GALNTL6: variants seen among roughly 807,000 people sequenced by gnomAD.
The protein encoded by GALNTL6 is polypeptide N-acetylgalactosaminyltransferase-like 6.
Under a neutral mutation model 73.7 loss-of-function variants are expected in GALNTL6, and 46 were observed. That is an observed-to-expected ratio of 0.62 (90% confidence interval 0.49 to 0.80). The LOEUF (loss-of-function observed/expected upper bound fraction) is 0.80, where lower values mean the gene tolerates loss of function less well. GALNTL6 is among the 30% of genes least tolerant of loss of function. GALNTL6 has a pLI of 0.00. For missense variants in GALNTL6, 604 were observed against 755.0 expected, an observed-to-expected ratio of 0.80 and a Z score of 2.34; for synonymous variants, 259 against 263.7, an observed-to-expected ratio of 0.98 and a Z score of 0.17.
chr4:172,499,485 G>A (rs1734185498), intron 5 of GALNTL6, among the ~76,000 whole-genome samples: 1 of 152,196 alleles, frequency 6.6e-6, no homozygotes. Context: ...ATGGCATTTT[G>A]TTATAGCACC....
At chr4:172,038,638 T>C (rs551323406) in intron 2 of GALNTL6, among the ~76,000 whole-genome samples, 2 of 152,194 alleles carry the variant, frequency 1.3e-5, no homozygotes, top group African/African-American at 2.4e-5. Context: ...GCCCCATCAC[T>C]GTCTTCAAAG....
chr4:172,279,002 A>G (rs892721847), intron 3 of GALNTL6, among the ~76,000 whole-genome samples: 20 of 152,178 alleles, frequency 1.3e-4, no homozygotes, highest in African/African-American at 4.8e-4. Context: ...TTTTGGGAAA[A>G]TTGGATATCC....
rs139529765 is a variant in GALNTL6 at position 172,168,564 on chromosome 4, G to C, written c.139-61092G>C. On this transcript the variant is annotated intron_variant, in intron 2 of 12. Transcript: ENST00000506823. Reference sequence around the variant, plus strand: ...GATCAAGATGGTGATGGTGATGATGGTGATGGTGATATGGTAATGATGGTG... The same window carrying C: ...GATCAAGATGGTGATGGTGATGATGCTGATGGTGATATGGTAATGATGGTG... Among the ~76,000 whole-genome samples, 564 of 152,148 alleles carry C rather than the reference G, an allele frequency of 3.7e-3. 2 individuals are homozygous for C. The highest frequency in any genetic ancestry group is 5.0e-3 in the Non-Finnish European group (339 of 67,952).
chr4:172,214,509 AT>A (rs34647326), intron 2 of GALNTL6, among the ~76,000 whole-genome samples: 74,271 of 144,378 alleles, frequency 0.51, 20,876 homozygotes, highest in East Asian at 0.86. Flanking sequence ...TTCTGTTTTT[AT>A]TTCTTTTCCT....
chr4:172,184,897 G>A (rs1008958217), intron 2 of GALNTL6, among the ~76,000 whole-genome samples: 2 of 152,144 alleles, frequency 1.3e-5, no homozygotes, highest in South Asian at 2.1e-4. Flanking sequence ...CGAGTCCTGC[G>A]ATAATGGCAT....
At chr4:171,820,732 A>G (rs1376076149) in intron 2 of GALNTL6, among the ~76,000 whole-genome samples, 1 of 152,192 alleles carries the variant, frequency 6.6e-6, no homozygotes, top group African/African-American at 2.4e-5. Context: ...AGTATGGCAC[A>G]GATTATAAAT....
In GALNTL6 at chr4:172,731,028, C is replaced by T. The variant is rs183004044; in HGVS notation, c.554-78333C>T. The stretch of plus-strand genomic sequence containing the variant: ...CCAAGAGGTGGAGGTTGTAGTAAGC[C>T]GAGATCGCACCACTGCACTCCAGCC... On this transcript the variant is annotated intron_variant, in intron 5 of 12. Coordinates refer to ENST00000506823, the MANE Select transcript of GALNTL6 (RefSeq NM_001034845.3). Among the ~76,000 whole-genome samples, 612 of 150,316 alleles carry T rather than the reference C, an allele frequency of 4.1e-3. 2 individuals are homozygous for T. Among genetic ancestry groups the T allele is most frequent in the African/African-American group, 0.014 (584 of 40,882 alleles).
At chr4:172,663,250 AG>A (rs1192618846) in intron 5 of GALNTL6, among the ~76,000 whole-genome samples, 1 of 152,232 alleles carries the variant, frequency 6.6e-6, no homozygotes, top group Middle Eastern at 3.2e-3. Context: ...ATTCAGCATA[AG>A]CTTGTAACAA....
intron 2 of GALNTL6, among the ~76,000 whole-genome samples, chr4:172,083,433 T>C (rs2172192): frequency 0.87 from 132,256 of 152,202 alleles, 57,631 homozygotes; most frequent in South Asian, 0.92. Context: ...ATTGCTGATT[T>C]AGCTCAAGAT....
chr4:172,492,857 C>T (rs940592327), intron 5 of GALNTL6, among the ~76,000 whole-genome samples: 3 of 152,048 alleles, frequency 2.0e-5, no homozygotes, highest in African/African-American at 7.2e-5. Flanking sequence ...TGGGGAAGTA[C>T]GTTTATCCCA....
At chr4:172,568,098 C>T (rs1560812229) in intron 5 of GALNTL6, among the ~76,000 whole-genome samples, 1 of 152,086 alleles carries the variant, frequency 6.6e-6, no homozygotes, top group African/African-American at 2.4e-5. Context: ...TATAAAAATC[C>T]TATTTTCTGT....
chr4:172,603,173 C>G (rs769164456), intron 5 of GALNTL6, among the ~76,000 whole-genome samples: 1 of 152,156 alleles, frequency 6.6e-6, no homozygotes, highest in Non-Finnish European at 1.5e-5. Context: ...AGTAGTTATA[C>G]AGGCTTTCAT....
intron 10 of GALNTL6, among the ~76,000 whole-genome samples, chr4:172,956,031 A>G (rs958171442): frequency 2.0e-5 from 3 of 152,152 alleles, no homozygotes; most frequent in Non-Finnish European, 4.4e-5. Flanking sequence ...CACAGGGAAT[A>G]TGATGGCTTA....
rs1346594223 is a variant in GALNTL6 at position 173,009,337 on chromosome 4, GGGCT to G, written c.1488+45_1488+48del. ...AGCCAGGGCAGTGGGAACCAGTCGGGGGCTGATGCAGACACAGAGGGATGCAGCT... is the reference window on the plus strand; with the variant it reads ...AGCCAGGGCAGTGGGAACCAGTCGGGGATGCAGACACAGAGGGATGCAGCT... On this transcript the variant is annotated intron_variant, in intron 11 of 12. Transcript: ENST00000506823. 3 of 1,127,328 alleles carry G rather than the reference GGGCT, an allele frequency of 2.7e-6. No homozygotes were observed. The Admixed American group carries it at 5.1e-5, about 19-fold the overall frequency. 69.8% of individuals were successfully genotyped at this position (1,127,328 alleles called of 1,614,324 possible). A position where few individuals can be genotyped will look rare whatever the true frequency, so the allele number is the denominator to read the frequency against.
chr4:172,082,508 G>T (rs1020280755), intron 2 of GALNTL6, among the ~76,000 whole-genome samples: 1 of 152,260 alleles, frequency 6.6e-6, no homozygotes, highest in East Asian at 1.9e-4. Context: ...TAGAAAAGGG[G>T]CTAAGATTTG....
Position 172,069,408 on chromosome 4 carries a change from C to T in GALNTL6, c.139-160248C>T, listed in dbSNP as rs529831215. 7.3e-4 allele frequency among the ~76,000 whole-genome samples: 69 copies of T among 95,060 alleles called. 18 individuals carry two copies. The highest frequency in any genetic ancestry group is 2.7e-3 in the African/African-American group (67 of 25,020). 62.4% of individuals were successfully genotyped at this position (95,060 alleles called of 152,430 possible). A position where few individuals can be genotyped will look rare whatever the true frequency, so the allele number is the denominator to read the frequency against. ...GTGTACATATGTGTTATATATAACACATATATGTTATATATAACACACATA... is the reference window on the plus strand; with the variant it reads ...GTGTACATATGTGTTATATATAACATATATATGTTATATATAACACACATA... On this transcript the variant is annotated intron_variant, in intron 2 of 12. Coordinates refer to ENST00000506823, the MANE Select transcript of GALNTL6 (RefSeq NM_001034845.3).
At chr4:172,274,359 A>G (rs1738758129) in intron 3 of GALNTL6, among the ~76,000 whole-genome samples, 1 of 152,216 alleles carries the variant, frequency 6.6e-6, no homozygotes, top group East Asian at 1.9e-4. Flanking sequence ...TAAGGTAGTT[A>G]TAGTTACCTC....
At chr4:172,468,045 A>T (rs1410714930) in intron 5 of GALNTL6, among the ~76,000 whole-genome samples, 2 of 151,408 alleles carry the variant, frequency 1.3e-5, no homozygotes, top group Admixed American at 1.3e-4. Flanking sequence ...GGCATACACC[A>T]CCACACCCTG....
intron 5 of GALNTL6, among the ~76,000 whole-genome samples, chr4:172,544,843 C>A (rs1261458390): frequency 6.6e-6 from 1 of 152,098 alleles, no homozygotes; most frequent in Non-Finnish European, 1.5e-5. Context: ...TACATAGAGA[C>A]CTGTGAAATC....
Sources: gnomAD v4.1 joint callset for allele counts (sites outside exome capture counted in the v4.1 genomes callset) on GRCh38, gnomAD v4.1.1 for gene constraint, MANE v1.5 for transcripts, NCBI Gene and HGNC (gene_info 2026-07-23, HGNC 2026-07-21) for gene names.